NPNT: variants seen among roughly 807,000 people sequenced by gnomAD.
The protein encoded by NPNT is nephronectin, also known as preosteoblast EGF-like repeat protein with MAM domain.
A neutral mutation model predicts 68.6 loss-of-function variants in NPNT; 45 were observed. That is an observed-to-expected ratio of 0.66 (90% CI 0.52 to 0.84). The LOEUF (loss-of-function observed/expected upper bound fraction) is 0.84. Ranked by LOEUF, NPNT falls within the 40% of genes least tolerant of loss-of-function variation. The probability of loss-of-function intolerance (pLI) is 0.00; values close to 1 mark genes in which losing one functional copy is unlikely to be tolerated. For missense variants in NPNT, 672 were observed against 714.8 expected, an observed-to-expected ratio of 0.94 and a Z score of 0.68; for synonymous variants, 233 against 253.3, an observed-to-expected ratio of 0.92 and a Z score of 0.76.
intron 3 of NPNT, among the ~76,000 whole-genome samples, chr4:105,930,805 C>T (rs1434950144): frequency 6.6e-6 from 1 of 152,160 alleles, no homozygotes; most frequent in Admixed American, 6.6e-5. Flanking sequence ...TAACCAGTGC[C>T]TTTAGAGCTG....
chr4:105,920,395 TA>T (rs11355483), intron 2 of NPNT, among the ~76,000 whole-genome samples: 61,119 of 79,002 alleles, frequency 0.77, 23,268 homozygotes, highest in East Asian at 0.9. Flanking sequence ...GTTACTCTAC[TA>T]AAAAAAAAAA....
At chr4:105,902,711 T>C (rs935193121) in intron 2 of NPNT, 2 of 152,258 alleles carry the variant, frequency 1.3e-5, no homozygotes, top group Non-Finnish European at 2.9e-5. Flanking sequence ...AAGAACATCA[T>C]GTACCTTTGG....
intron 2 of NPNT, among the ~76,000 whole-genome samples, chr4:105,898,375 TCTCTC>T (rs1560882101): frequency 4.6e-4 from 58 of 125,224 alleles, no homozygotes; most frequent in African/African-American, 1.9e-3. Context: ...TCTCTCTCTC[TCTCTC>T]GCTGACTCGC....
At chr4:105,954,613 T>C (rs1365176469) in intron 8 of NPNT, among the ~76,000 whole-genome samples, 1 of 152,196 alleles carries the variant, frequency 6.6e-6, no homozygotes, top group East Asian at 1.9e-4. Flanking sequence ...TCTGCCTCTA[T>C]CTCCAATTCC....
At chr4:105,925,737 C>T (rs1324696946) in intron 2 of NPNT, among the ~76,000 whole-genome samples, 2 of 152,168 alleles carry the variant, frequency 1.3e-5, no homozygotes, top group Non-Finnish European at 2.9e-5. Flanking sequence ...CTTCCTGTCA[C>T]CAACACAAAT....
In NPNT at chr4:105,938,382, C is replaced by T. The variant is rs116477289; in HGVS notation, c.467C>T (p.Pro156Leu). 4.2e-4 allele frequency: 670 copies of T among 1,613,722 alleles called. 3 individuals carry two copies. In the African/African-American group the frequency reaches 7.2e-3, roughly 17 times the overall value. Reference protein sequence around the residue: ...KGQIRCQCPSPGLQLAPDGRT... With the variant: ...KGQIRCQCPSLGLQLAPDGRT... ...CAAATACGGTGCCAGTGCCCATCCC[C>T]TGGCCTGCAGCTGGCTCCTGATGGG... The change falls in exon 5 of 12, where the codon CCT becomes CTT. Residue 156 changes from proline to leucine, a missense_variant. Pro to Leu is a moderately conservative substitution (Grantham distance 98). Coordinates refer to ENST00000379987, the MANE Select transcript of NPNT (RefSeq NM_001033047.3).
intron 2 of NPNT, among the ~76,000 whole-genome samples, chr4:105,921,201 C>A (rs1447326211): frequency 6.6e-6 from 1 of 152,090 alleles, no homozygotes; most frequent in Non-Finnish European, 1.5e-5. Flanking sequence ...CCCCTCTCAT[C>A]CTTTCCTGCT....
At chr4:105,950,762 GC>G (rs1172597330) in intron 8 of NPNT, among the ~76,000 whole-genome samples, 2 of 152,040 alleles carry the variant, frequency 1.3e-5, no homozygotes, top group African/African-American at 4.8e-5. Flanking sequence ...GTCAGGAAGA[GC>G]CCCCTCCTTT....
rs374207257 is a variant in NPNT at position 105,967,358 on chromosome 4, G to A, written c.1516G>A (p.Ala506Thr). The part of the protein sequence containing the change: ...TLQVFVRKHG[A>T]HGAALWGRNG... ...CCAGGTGTTTGTGAGAAAACACGGT[G>A]CCCACGGAGCAGCCCTGTGGGGAAG... Residue 506 changes from alanine (A) to threonine (T), a missense_variant, in exon 11 of 12, where the codon GCC becomes ACC. Ala to Thr is a moderately conservative substitution (Grantham distance 58). Transcript: ENST00000379987. 117 of 1,609,532 alleles carry A rather than the reference G, an allele frequency of 7.3e-5. No homozygotes were observed. The African/African-American group carries it at 1.4e-3, about 19-fold the overall frequency.
At chr4:105,920,418 AAC>A (rs1467357444) in intron 2 of NPNT, among the ~76,000 whole-genome samples, 4 of 150,998 alleles carry the variant, frequency 2.6e-5, no homozygotes, top group Non-Finnish European at 5.9e-5. Context: ...AAAAAAAAAA[AAC>A]TTCACATTTC....
chr4:105,920,094 G>A (rs1056445250), intron 2 of NPNT, among the ~76,000 whole-genome samples: 5 of 151,698 alleles, frequency 3.3e-5, no homozygotes, highest in East Asian at 1.9e-4. Context: ...GAATCACTTC[G>A]TAACCATAGA....
At chr4:105,958,893 G>A in intron 9 of NPNT, 135 bp from the exon 10 acceptor site, 2 of 624,598 alleles carry the variant, frequency 3.2e-6, no homozygotes, top group Non-Finnish European at 5.8e-6. Flanking sequence ...ATTTCCCTTT[G>A]GTCTTATGGA....
chr4:105,918,438 A>G (rs1727990595), intron 2 of NPNT, among the ~76,000 whole-genome samples: 1 of 152,214 alleles, frequency 6.6e-6, no homozygotes, highest in Non-Finnish European at 1.5e-5. Flanking sequence ...ATAATTTTCA[A>G]CTGAAAGAAA....
At chr4:105,895,866 G>T (rs1284043627) in intron 1 of NPNT, 143 bp downstream of exon 1, 3 of 724,346 alleles carry the variant, frequency 4.1e-6, no homozygotes, top group Non-Finnish European at 6.9e-6. Flanking sequence ...AGCGTGGCGC[G>T]AGGAGAGCGG....
At chr4:105,897,777 G>A in intron 1 of NPNT, 124 bp from the exon 2 acceptor site, 2 of 717,952 alleles carry the variant, frequency 2.8e-6, no homozygotes, top group Non-Finnish European at 4.8e-6. Context: ...ATTTCTGCAG[G>A]CATAAAAGAG....
At chr4:105,945,356 C>A (rs1730298352) in intron 8 of NPNT, among the ~76,000 whole-genome samples, 1 of 152,124 alleles carries the variant, frequency 6.6e-6, no homozygotes, top group South Asian at 2.1e-4. Context: ...ACCTCTCCCC[C>A]AAACTCTAGA....
chr4:105,914,380 TATA>T, intron 2 of NPNT, among the ~76,000 whole-genome samples: 1 of 138,454 alleles, frequency 7.2e-6, no homozygotes, highest in South Asian at 2.2e-4. Context: ...TCTCTATATA[TATA>T]ATATATAAAA....
At chr4:105,902,307 G>A (rs1726485528) in intron 2 of NPNT, among the ~76,000 whole-genome samples, 1 of 152,152 alleles carries the variant, frequency 6.6e-6, no homozygotes, top group African/African-American at 2.4e-5. Flanking sequence ...TTCTATTTGA[G>A]GTCAACAACT....
chr4:105,959,244 G>T, intron 10 of NPNT, 118 bp downstream of exon 10: 1 of 643,328 alleles, frequency 1.6e-6, no homozygotes. Context: ...TGATAAAGAT[G>T]GTCAAAAAGG....
Sources: gnomAD v4.1 joint callset for allele counts (sites outside exome capture counted in the v4.1 genomes callset) on GRCh38, gnomAD v4.1.1 for gene constraint, MANE v1.5 for transcripts, NCBI Gene and HGNC (gene_info 2026-07-23, HGNC 2026-07-21) for gene names.